Variants in PCDHA6 observed in about 807,000 individuals in gnomAD.
PCDHA6 encodes the protein protocadherin alpha 6.
PCDHA6 carries 55 observed loss-of-function variants against 60.3 expected under a neutral mutation model. The ratio of observed to expected loss-of-function variants is 0.91; its 90% confidence interval spans 0.73 to 1.14. The LOEUF is 1.14. Ranked by LOEUF, PCDHA6 falls within the 50% of genes most tolerant of loss-of-function variation. The pLI is 0.00. For missense variants in PCDHA6, 1,327 were observed against 1,256.5 expected (o/e 1.06, Z -0.85); for synonymous variants, 652 against 557.9 (o/e 1.17, Z -2.38).
intron 1 of PCDHA6, among the ~76,000 whole-genome samples, chr5:140,898,172 G>A (rs1262400829): frequency 2.6e-5 from 4 of 152,162 alleles, no homozygotes; most frequent in African/African-American, 9.7e-5. Context: ...TTCTTTTGCT[G>A]TGCAGAAGCT....
In PCDHA6 at chr5:140,841,444, C is replaced by T. The variant is rs2150315677; in HGVS notation, c.2394+10959C>T. 15 of 1,612,806 alleles carry T rather than the reference C, an allele frequency of 9.3e-6. 1 individual carries two copies. The highest frequency in any genetic ancestry group is 1.3e-5 in the African/African-American group (1 of 74,834). ...ACTCCGTCCCCGAGGAGGCCAAACACGGCACCTTCGTGGGCCGGATCGCGC... is the reference window on the plus strand; with the variant it reads ...ACTCCGTCCCCGAGGAGGCCAAACATGGCACCTTCGTGGGCCGGATCGCGC... On this transcript the variant is annotated intron_variant, in intron 1 of 3. Transcript: ENST00000529310.
chr5:140,933,064 A>G (rs2088836698), intron 1 of PCDHA6, among the ~76,000 whole-genome samples: 1 of 152,030 alleles, frequency 6.6e-6, no homozygotes, highest in African/African-American at 2.4e-5. Context: ...GATCCTGACT[A>G]AAGTATTATG....
intron 1 of PCDHA6, among the ~76,000 whole-genome samples, chr5:140,937,132 GGTT>G (rs2091356684): frequency 6.6e-6 from 1 of 151,434 alleles, no homozygotes. Context: ...CCGCCTCCCG[GGTT>G]CATGCCATTC....
intron 1 of PCDHA6, chr5:140,863,488 A>C (rs1554158271): frequency 4.4e-6 from 2 of 451,898 alleles, no homozygotes; most frequent in African/African-American, 2.0e-5. Flanking sequence ...CCCAAGGTCA[A>C]CATTACGGCT....
chr5:140,900,233 G>GT (rs1261263702), intron 1 of PCDHA6, among the ~76,000 whole-genome samples: 7 of 151,834 alleles, frequency 4.6e-5, no homozygotes, highest in Non-Finnish European at 7.4e-5. Flanking sequence ...ACTGGATCTT[G>GT]TTTTTTTTAT....
chr5:140,935,894 C>CTTTT (rs55841305), intron 1 of PCDHA6, among the ~76,000 whole-genome samples: 9 of 136,750 alleles, frequency 6.6e-5, no homozygotes, highest in South Asian at 2.3e-4. Flanking sequence ...TCAATATTAT[C>CTTTT]TTTTTTTTTT....
intron 3 of PCDHA6, among the ~76,000 whole-genome samples, chr5:140,994,862 G>A (rs1434007632): frequency 1.3e-5 from 2 of 152,174 alleles, no homozygotes; most frequent in African/African-American, 4.8e-5. Flanking sequence ...TTTGATGGAT[G>A]TGGTAGAATA....
At chr5:140,904,547 T>C (rs1313461939) in intron 1 of PCDHA6, among the ~76,000 whole-genome samples, 1 of 152,116 alleles carries the variant, frequency 6.6e-6, no homozygotes, top group African/African-American at 2.4e-5. Flanking sequence ...ATCTTTTTCA[T>C]ATAATGACTT....
intron 1 of PCDHA6, chr5:140,969,003 G>A: frequency 6.2e-7 from 1 of 1,614,226 alleles, no homozygotes; most frequent in Admixed American, 1.7e-5. Context: ...GGAGGCTTCT[G>A]TGGAGTAAGG....
chr5:140,935,379 C>T (rs2090338823), intron 1 of PCDHA6, among the ~76,000 whole-genome samples: 1 of 152,196 alleles, frequency 6.6e-6, no homozygotes, highest in African/African-American at 2.4e-5. Context: ...CAGAATTACT[C>T]ATTTGTTATC....
At chr5:140,835,977 C>G (rs2150249496) in intron 1 of PCDHA6, 1 of 1,613,352 alleles carries the variant, frequency 6.2e-7, no homozygotes, top group Admixed American at 1.7e-5. Context: ...GGAGCTGTTG[C>G]AGTTCCAGGT....
intron 1 of PCDHA6, chr5:140,927,487 C>T: frequency 1.2e-6 from 2 of 1,614,142 alleles, no homozygotes; most frequent in Non-Finnish European, 1.7e-6. Context: ...GCGCGCCACC[C>T]ACCTGCTGGT....
At chr5:140,903,515 G>T (rs542642607) in intron 1 of PCDHA6, among the ~76,000 whole-genome samples, 1 of 152,244 alleles carries the variant, frequency 6.6e-6, no homozygotes, top group Non-Finnish European at 1.5e-5. Context: ...TAGTTCTATT[G>T]TGTTGTTCAC....
intron 1 of PCDHA6, among the ~76,000 whole-genome samples, chr5:140,899,726 T>A (rs1406076879): frequency 6.6e-6 from 1 of 152,236 alleles, no homozygotes; most frequent in East Asian, 1.9e-4. Flanking sequence ...CCTCTTTTTC[T>A]ATTGATTGGA....
intron 1 of PCDHA6, among the ~76,000 whole-genome samples, chr5:140,943,180 C>T (rs2093431387): frequency 6.7e-6 from 1 of 149,602 alleles, no homozygotes; most frequent in South Asian, 2.1e-4. Context: ...ATCGCTTGAA[C>T]CCTGGAGGTG....
At chr5:140,833,728 T>C (rs1554133934) in intron 1 of PCDHA6, among the ~76,000 whole-genome samples, 1 of 147,810 alleles carries the variant, frequency 6.8e-6, no homozygotes, top group Non-Finnish European at 1.5e-5. Context: ...TAGTTGCTAA[T>C]GTTTCTTGCC....
intron 1 of PCDHA6, among the ~76,000 whole-genome samples, chr5:140,962,009 G>C (rs545144318): frequency 1.3e-4 from 19 of 151,596 alleles, no homozygotes; most frequent in African/African-American, 3.6e-4. Flanking sequence ...TCAGCTTCCC[G>C]AGTAGCTGGG....
In PCDHA6 at chr5:140,912,343, A is replaced by T. The variant is rs547543923; in HGVS notation, c.2395-66606A>T. Among the ~76,000 whole-genome samples, 324 of 143,902 alleles carry T rather than the reference A, an allele frequency of 2.3e-3. 1 individual carries two copies. The highest frequency in any genetic ancestry group is 7.8e-3 in the African/African-American group (308 of 39,358). 94.4% of individuals were successfully genotyped at this position (143,902 alleles called of 152,430 possible). A position where few individuals can be genotyped will look rare whatever the true frequency, so the allele number is the denominator to read the frequency against. On this transcript the variant is annotated intron_variant, in intron 1 of 3. Transcript: ENST00000529310. ...CTCAGTATTAACCAGTACACTAAGT[A>T]TTTTTTTTTTTTTTTGCAGCTGTTG... is the stretch of plus-strand genomic sequence containing the variant.
At chr5:140,874,154 C>A (rs1554167062) in intron 1 of PCDHA6, among the ~76,000 whole-genome samples, 1 of 152,102 alleles carries the variant, frequency 6.6e-6, no homozygotes, top group African/African-American at 2.4e-5. Flanking sequence ...TAGAGCCATT[C>A]TTGGTTACTC....
Sources: gnomAD v4.1 joint callset for allele counts (sites outside exome capture counted in the v4.1 genomes callset) on GRCh38, gnomAD v4.1.1 for gene constraint, MANE v1.5 for transcripts, NCBI Gene and HGNC (gene_info 2026-07-23, HGNC 2026-07-21) for gene names.